CSMD1: variants seen among roughly 807,000 people sequenced by gnomAD.
The protein encoded by CSMD1 is CUB and Sushi multiple domains 1, also known as CUB and sushi domain-containing protein 1.
A neutral mutation model predicts 417.5 loss-of-function variants in CSMD1; 213 were observed. The ratio of observed to expected loss-of-function variants is 0.51; its 90% CI spans 0.46 to 0.57. CSMD1 has a LOEUF of 0.57. Among genes scored for constraint, CSMD1 ranks in the 20% least tolerant of loss-of-function variants. The pLI is 0.00. For synonymous variants in CSMD1, 2,862 were observed against 1,736.8 expected, an observed-to-expected ratio of 1.65 and a Z score of -16.11; for missense variants, 6,923 against 4,529.7, an observed-to-expected ratio of 1.53 and a Z score of -15.17.
At chr8:3,855,600 G>T (rs1375561809) in intron 5 of CSMD1, among the ~76,000 whole-genome samples, 1 of 152,148 alleles carries the variant, frequency 6.6e-6, no homozygotes, top group African/African-American at 2.4e-5. Context: ...AATGCCAGAT[G>T]ACTGAGTATG....
chr8:3,772,185 TATATACAC>T (rs1303750838), intron 5 of CSMD1, among the ~76,000 whole-genome samples: 1,168 of 70,020 alleles, frequency 0.017, 112 homozygotes, highest in African/African-American at 0.047. Context: ...TATATATATA[TATATACAC>T]ACACACACAC....
At chr8:3,889,907 G>A (rs781671142) in intron 5 of CSMD1, among the ~76,000 whole-genome samples, 3 of 152,026 alleles carry the variant, frequency 2.0e-5, no homozygotes, top group Non-Finnish European at 4.4e-5. Flanking sequence ...TCTGAGTTGC[G>A]CATAATGCCA....
chr8:4,278,878 T>C (rs1680609463), intron 3 of CSMD1, among the ~76,000 whole-genome samples: 1 of 152,178 alleles, frequency 6.6e-6, no homozygotes, highest in Admixed American at 6.5e-5. Flanking sequence ...ATGTATGTAA[T>C]AAAGGGAGAC....
chr8:4,377,949 T>C (rs756405302), intron 3 of CSMD1, among the ~76,000 whole-genome samples: 2 of 152,210 alleles, frequency 1.3e-5, no homozygotes, highest in Non-Finnish European at 2.9e-5. Context: ...CCTCATAATA[T>C]TGATTATAGC....
In CSMD1 at chr8:4,931,962, T is replaced by C. The variant is rs1807278077; in HGVS notation, c.85+62370A>G. 2.0e-5 allele frequency among the ~76,000 whole-genome samples: 3 copies of C among 151,942 alleles called. No homozygotes were observed. In the South Asian group the frequency reaches 6.2e-4, roughly 32 times the overall value. ...GAAATTCTTGTGTAACATGTATTAG[T>C]TATTAAAATTCAGGAAAAAATTTAA... On this transcript the variant is annotated intron_variant, in intron 1 of 69. Coordinates refer to ENST00000635120, the MANE Select transcript of CSMD1 (RefSeq NM_033225.6).
intron 2 of CSMD1, among the ~76,000 whole-genome samples, chr8:4,607,646 A>G (rs1412698321): frequency 8.5e-5 from 13 of 152,168 alleles, no homozygotes; most frequent in Non-Finnish European, 1.9e-4. Context: ...TGGTGTAAAA[A>G]TGGATGGCAC....
intron 3 of CSMD1, among the ~76,000 whole-genome samples, chr8:4,218,200 T>G (rs1325976092): frequency 6.6e-6 from 1 of 152,198 alleles, no homozygotes; most frequent in Non-Finnish European, 1.5e-5. Context: ...ATCACTCTTG[T>G]TGGCACTTTG....
intron 26 of CSMD1, chr8:3,278,451 A>T (rs1402412112): frequency 1.3e-5 from 2 of 152,210 alleles, no homozygotes; most frequent in Non-Finnish European, 2.9e-5. Context: ...CTACTAAGAA[A>T]TCTCATTTAA....
chr8:3,011,070 A>T (rs983926027), intron 52 of CSMD1, among the ~76,000 whole-genome samples: 1 of 151,768 alleles, frequency 6.6e-6, no homozygotes, highest in Admixed American at 6.6e-5. Flanking sequence ...TACCTTATTT[A>T]CTCCTTAGAG....
At chr8:3,252,917 A>G (rs1800381939) in intron 26 of CSMD1, among the ~76,000 whole-genome samples, 1 of 152,100 alleles carries the variant, frequency 6.6e-6, no homozygotes, top group South Asian at 2.1e-4. Context: ...TATTACCTTT[A>G]TCATTTTTTA....
chr8:3,956,682 G>A (rs1585031083), intron 5 of CSMD1, among the ~76,000 whole-genome samples: 1 of 152,034 alleles, frequency 6.6e-6, no homozygotes, highest in Admixed American at 6.6e-5. Flanking sequence ...GTTACTACCC[G>A]ATGTGGCAGA....
chr8:4,218,123 C>G (rs577919121), intron 3 of CSMD1, among the ~76,000 whole-genome samples: 2 of 152,178 alleles, frequency 1.3e-5, no homozygotes, highest in African/African-American at 4.8e-5. Context: ...TGACCTTGAA[C>G]AGCAGGGTAT....
intron 3 of CSMD1, among the ~76,000 whole-genome samples, chr8:4,097,085 C>G (rs376443956): frequency 6.6e-6 from 1 of 152,078 alleles, no homozygotes; most frequent in Non-Finnish European, 1.5e-5. Context: ...TTATGTACTA[C>G]AAAAAGAAGC....
chr8:4,958,793 T>C (rs1260086369), intron 1 of CSMD1, among the ~76,000 whole-genome samples: 1 of 152,148 alleles, frequency 6.6e-6, no homozygotes, highest in Non-Finnish European at 1.5e-5. Context: ...AAGCGGGGCT[T>C]TCATGAAGAA....
chr8:3,325,374 G>A (rs1806458514), intron 23 of CSMD1, among the ~76,000 whole-genome samples: 1 of 152,210 alleles, frequency 6.6e-6, no homozygotes, highest in Non-Finnish European at 1.5e-5. Flanking sequence ...GATACCATCT[G>A]TTGGCCTTCA....
intron 7 of CSMD1, among the ~76,000 whole-genome samples, chr8:3,685,873 T>A: frequency 6.6e-6 from 1 of 152,116 alleles, no homozygotes; most frequent in East Asian, 1.9e-4. Context: ...GGGGTATCCA[T>A]CCCATCAAAC....
chr8:2,963,382 A>T lies in CSMD1; in HGVS notation c.9294T>A (p.Pro3098=), dbSNP rs1383828659. ...TTCCATTCTGCACCGGCGGCGGCTG[A>T]GGACACAGCACGGCTATTTCCAAAG... ...SKPVCKAVLC[P]QPPPVQNGTV... The change falls in exon 60 of 70, where the codon CCT becomes CCA. Residue 3098 remains proline, a synonymous_variant. Transcript: ENST00000635120. 1 of 1,613,948 alleles carries T rather than the reference A, an allele frequency of 6.2e-7. No individual in the cohort carries two copies. Among genetic ancestry groups the T allele is most frequent in the South Asian group, 1.1e-5 (1 of 91,082 alleles).
intron 49 of CSMD1, among the ~76,000 whole-genome samples, chr8:3,072,153 G>C (rs1813361993): frequency 6.6e-6 from 1 of 152,202 alleles, no homozygotes; most frequent in Admixed American, 6.5e-5. Flanking sequence ...GGGCATCTGA[G>C]ATCAATTCTT....
chr8:3,616,900 T>G (rs1157817979), intron 7 of CSMD1, 103 bp from the exon 8 acceptor site: 1 of 700,332 alleles, frequency 1.4e-6, no homozygotes, highest in East Asian at 2.8e-5. Context: ...TGATAATGAC[T>G]TAAAATGTGA....
Sources: allele counts gnomAD v4.1 joint callset (sites outside exome capture counted in the v4.1 genomes callset), GRCh38; gene constraint gnomAD v4.1.1; transcripts MANE v1.5; gene names NCBI Gene and HGNC (gene_info 2026-07-23, HGNC 2026-07-21).